The following SRGAP1 variants were observed in gnomAD, a reference collection of about 807,000 sequenced individuals.
SRGAP1 encodes SLIT-ROBO Rho GTPase-activating protein 1.
Under a neutral mutation model 121.9 loss-of-function variants are expected in SRGAP1, and 43 were observed. The observed-to-expected ratio is 0.35, with a 90% CI of 0.28 to 0.46. SRGAP1 has a LOEUF of 0.46. SRGAP1 is among the 20% of genes least tolerant of loss of function. SRGAP1 has a pLI of 1.00. For synonymous variants in SRGAP1, 447 were observed against 485.4 expected (o/e 0.92, Z 1.04); for missense variants, 1,102 against 1,350.9 (o/e 0.82, Z 2.89).
In SRGAP1 at chr12:64,075,657, T is replaced by C. The variant is rs115822235; in HGVS notation, c.1126-3262T>C. On this transcript the variant is annotated intron_variant, in intron 8 of 21. Transcript: ENST00000355086. ...GCTACAAGAGCCTATTTGACTAGTG[T>C]AGGATGGTGACTCTTTTAATTCAGT... Among the ~76,000 whole-genome samples, 782 of 152,344 alleles carry C rather than the reference T, an allele frequency of 5.1e-3. 10 individuals are homozygous for C. Among genetic ancestry groups the C allele is most frequent in the African/African-American group, 0.018 (758 of 41,576 alleles).
intron 1 of SRGAP1, among the ~76,000 whole-genome samples, chr12:63,977,099 A>G (rs944405119): frequency 1.3e-5 from 2 of 152,108 alleles, no homozygotes; most frequent in South Asian, 4.2e-4. Flanking sequence ...AAAAAAGCTT[A>G]TTATGCAAAA....
chr12:63,868,075 T>TCG (rs1899716560), intron 1 of SRGAP1, among the ~76,000 whole-genome samples: 1 of 97,036 alleles, frequency 1.0e-5, no homozygotes, highest in African/African-American at 4.2e-5. Flanking sequence ...TTTTTTTTTT[T>TCG]TTTGTTTTTT....
At chr12:64,029,771 C>A (rs1349392799) in intron 4 of SRGAP1, among the ~76,000 whole-genome samples, 3 of 46,270 alleles carry the variant, frequency 6.5e-5, no homozygotes, top group Non-Finnish European at 4.5e-5. Context: ...CCAAGGCAGG[C>A]AGATCACTTG....
At chr12:63,883,751 C>A (rs991973641) in intron 1 of SRGAP1, among the ~76,000 whole-genome samples, 30 of 151,262 alleles carry the variant, frequency 2.0e-4, no homozygotes, top group African/African-American at 7.0e-4. Flanking sequence ...CTCCACCTCC[C>A]GGGTTCACGC....
intron 8 of SRGAP1, among the ~76,000 whole-genome samples, chr12:64,072,149 G>GTGTGTGTGTGTGT (rs1159654414): frequency 3.8e-4 from 7 of 18,396 alleles, no homozygotes; most frequent in Non-Finnish European, 4.4e-4. Flanking sequence ...TGTGTGTGTG[G>GTGTGTGTGTGTGT]GCGGCGGGGG....
In SRGAP1 at chr12:64,144,586, A is replaced by G. The variant is rs1383580989; in HGVS notation, c.*1914A>G. On this transcript the variant is annotated 3_prime_UTR_variant, in exon 22 of 22. Coordinates refer to ENST00000355086, the MANE Select transcript of SRGAP1 (RefSeq NM_020762.4). ...ACAAATGAATAGTGACTTTTTTCCCATGTATTTCTAGGTATGGTAAACTTT... is the reference window on the plus strand; with the variant it reads ...ACAAATGAATAGTGACTTTTTTCCCGTGTATTTCTAGGTATGGTAAACTTT... 2 of 152,150 alleles carry G rather than the reference A, an allele frequency of 1.3e-5. No individual in the cohort carries two copies. The highest frequency in any genetic ancestry group is 6.5e-5 in the Admixed American group (1 of 15,282). The allele number at this position is 152,150 out of a possible 1,614,324, so 9.4% of individuals were successfully genotyped here.
intron 1 of SRGAP1, among the ~76,000 whole-genome samples, chr12:63,940,194 T>C (rs1565959828): frequency 6.6e-6 from 1 of 151,870 alleles, no homozygotes; most frequent in Non-Finnish European, 1.5e-5. Flanking sequence ...ACTCCTGAGC[T>C]CAAGTGATCC....
chr12:64,080,612 G>A (rs887302648), intron 10 of SRGAP1: 1 of 569,932 alleles, frequency 1.8e-6, no homozygotes, highest in Non-Finnish European at 3.2e-6. Flanking sequence ...TCAATACCGA[G>A]CTCCTAGGGA....
chr12:63,991,537 T>A (rs2033556689), intron 3 of SRGAP1, among the ~76,000 whole-genome samples: 1 of 152,202 alleles, frequency 6.6e-6, no homozygotes, highest in Non-Finnish European at 1.5e-5. Flanking sequence ...ATCCTATGCG[T>A]CTTAAATAGT....
At position 64,143,628 on chromosome 12, in the gene SRGAP1, A is replaced by G. The variant is rs1335897837; in HGVS notation, c.*956A>G. 1 of 152,238 alleles carries G rather than the reference A, an allele frequency of 6.6e-6. No individual in the cohort carries two copies. The highest frequency in any genetic ancestry group is 2.4e-5 in the African/African-American group (1 of 41,432). The allele number at this position is 152,238 out of a possible 1,614,324, so 9.4% of individuals were successfully genotyped here. A position where few individuals can be genotyped will look rare whatever the true frequency, so the allele number is the denominator to read the frequency against. ...TTCATGCAGTGTTCTCTTTTGACTA[A>G]ATCACCTAGGTTCCTTTAAACATGC... is the stretch of plus-strand genomic sequence containing the variant. On this transcript the variant is annotated 3_prime_UTR_variant, in exon 22 of 22. Transcript: ENST00000355086.
At chr12:63,994,748 G>C (rs1387547325) in intron 3 of SRGAP1, among the ~76,000 whole-genome samples, 1 of 152,166 alleles carries the variant, frequency 6.6e-6, no homozygotes, top group Non-Finnish European at 1.5e-5. Context: ...ACAAGGGCTT[G>C]TTTCATTCTC....
chr12:64,071,583 T>C (rs2035636565), intron 8 of SRGAP1, among the ~76,000 whole-genome samples: 1 of 152,138 alleles, frequency 6.6e-6, no homozygotes, highest in Non-Finnish European at 1.5e-5. Flanking sequence ...TCATGCTCCT[T>C]AGACCACACT....
In SRGAP1 at chr12:64,060,267, G is replaced by C. The variant is rs144756739; in HGVS notation, c.802-2650G>C. Among the ~76,000 whole-genome samples the C allele has an allele frequency of 3.6e-3, 538 of 148,148 alleles. 1 individual carries two copies. Among genetic ancestry groups the C allele is most frequent in the African/African-American group, 0.012 (493 of 39,944 alleles). On this transcript the variant is annotated intron_variant, in intron 6 of 21. Coordinates refer to ENST00000355086, the MANE Select transcript of SRGAP1 (RefSeq NM_020762.4). ...CTGCTGCCCAGGCTAGAGTGCAGTGGTACAATCTCAGCTTACTGCAGCCTC... is the reference window on the plus strand; with the variant it reads ...CTGCTGCCCAGGCTAGAGTGCAGTGCTACAATCTCAGCTTACTGCAGCCTC...
chr12:63,903,022 T>C (rs753309134), intron 1 of SRGAP1, among the ~76,000 whole-genome samples: 3 of 152,194 alleles, frequency 2.0e-5, no homozygotes, highest in Non-Finnish European at 2.9e-5. Context: ...AGTTGGTTTT[T>C]ACAGGTACTG....
At chr12:63,940,567 A>G (rs1299221846) in intron 1 of SRGAP1, among the ~76,000 whole-genome samples, 1 of 152,160 alleles carries the variant, frequency 6.6e-6, no homozygotes, top group Non-Finnish European at 1.5e-5. Context: ...CATTTGCAGG[A>G]TAGTTGAGGA....
intron 1 of SRGAP1, among the ~76,000 whole-genome samples, chr12:63,892,563 C>T (rs959605419): frequency 1.3e-5 from 2 of 152,138 alleles, no homozygotes; most frequent in African/African-American, 4.8e-5. Flanking sequence ...CCCTCCCTTT[C>T]CTTTCCCATG....
intron 21 of SRGAP1, among the ~76,000 whole-genome samples, chr12:64,141,490 G>A (rs1411941542): frequency 6.6e-6 from 1 of 152,020 alleles, no homozygotes; most frequent in Admixed American, 6.6e-5. Flanking sequence ...TGAGGCAGGA[G>A]AATTGTTTGA....
intron 4 of SRGAP1, among the ~76,000 whole-genome samples, chr12:64,036,392 G>A (rs2034903896): frequency 6.6e-6 from 1 of 152,124 alleles, no homozygotes; most frequent in Admixed American, 6.5e-5. Flanking sequence ...TCTGGCACTT[G>A]CAGAAATTCA....
Position 64,161,050 on chromosome 12 carries a change from G to A in SRGAP1, c.*18378G>A, listed in dbSNP as rs1423370676. 6.6e-6 allele frequency: 1 copy of A among 151,888 alleles called. No homozygotes were observed. The highest frequency in any genetic ancestry group is 2.4e-5 in the African/African-American group (1 of 41,320). 9.4% of individuals were successfully genotyped at this position (151,888 alleles called of 1,614,324 possible). On this transcript the variant is annotated 3_prime_UTR_variant, in exon 22 of 22. Transcript: ENST00000355086. ...TGATGTGGATCTATTTTGATTCATT[G>A]TACTGAAGACCATTTCAGCCCATCT... is the stretch of plus-strand genomic sequence containing the variant.
Sources: gnomAD v4.1 joint callset for allele counts (sites outside exome capture counted in the v4.1 genomes callset) on GRCh38, gnomAD v4.1.1 for gene constraint, MANE v1.5 for transcripts, NCBI Gene and HGNC (gene_info 2026-07-23, HGNC 2026-07-21) for gene names.